Variants in NSUN2 observed in about 807,000 individuals in gnomAD.
NSUN2 encodes NOP2/Sun RNA methyltransferase 2.
NSUN2 carries 63 observed loss-of-function variants against 92.7 expected under a neutral mutation model. The observed-to-expected ratio is 0.68, with a 90% CI of 0.56 to 0.84. The LOEUF (loss-of-function observed/expected upper bound fraction) is 0.84. Ranked by LOEUF, NSUN2 falls within the 40% of genes least tolerant of loss-of-function variation. The probability of loss-of-function intolerance (pLI) is 0.00; values close to 1 mark genes in which losing one functional copy is unlikely to be tolerated. For synonymous variants in NSUN2, 356 were observed against 348.3 expected, an observed-to-expected ratio of 1.02 and a Z score of -0.25; for missense variants, 989 against 964.9, an observed-to-expected ratio of 1.02 and a Z score of -0.33.
At chr5:6,611,513 C>A (rs886348680) in intron 10 of NSUN2, among the ~76,000 whole-genome samples, 1 of 139,048 alleles carries the variant, frequency 7.2e-6, no homozygotes, top group Non-Finnish European at 1.5e-5. Flanking sequence ...TATTTCTGTA[C>A]GTGGAGAAAA....
chr5:6,609,926 A>G lies in NSUN2; in HGVS notation c.1227-4T>C. 1 of 1,561,778 alleles carries G rather than the reference A, an allele frequency of 6.4e-7. No homozygotes were observed. Among genetic ancestry groups the G allele is most frequent in the Non-Finnish European group, 8.8e-7 (1 of 1,137,252 alleles). On this transcript the variant is annotated splice_region_variant and splice_polypyrimidine_tract_variant and intron_variant, in intron 11 of 18. Transcript: ENST00000264670. ...ATGATGGGGTAATATCCTAAGGCTA[A>G]ATATATATATATAATTCACACCTCT...
Position 6,617,997 on chromosome 5 carries a change from A to T in NSUN2, c.843T>A (p.Ile281=), listed in dbSNP as rs1057324943. The change falls in exon 8 of 19, where the codon ATT becomes ATA. Residue 281 remains isoleucine, a synonymous_variant. Coordinates refer to ENST00000264670, the MANE Select transcript of NSUN2 (RefSeq NM_017755.6). ...CSGDGTMRKN[I]DVWKKWTTLN... is the part of the protein sequence containing the mutation. ...AGGTGGTCCACTTTTTCCAAACATCAATGTTTTTTCTCATAGTGCCGTCTC... is the reference window on the plus strand; with the variant it reads ...AGGTGGTCCACTTTTTCCAAACATCTATGTTTTTTCTCATAGTGCCGTCTC... The T allele has an allele frequency of 6.2e-7, 1 of 1,613,654 alleles. No homozygotes were observed. Among genetic ancestry groups the T allele is most frequent in the African/African-American group, 1.3e-5 (1 of 74,900 alleles).
rs377054260 is a variant in NSUN2 at position 6,631,836 on chromosome 5, C to G, written c.359+37G>C. 55 of 1,388,484 alleles carry G rather than the reference C, an allele frequency of 4.0e-5. 1 individual carries two copies. The highest frequency in any genetic ancestry group is 2.5e-4 in the East Asian group (11 of 43,828). 86.0% of individuals were successfully genotyped at this position (1,388,484 alleles called of 1,614,324 possible). Reference sequence around the variant, plus strand: ...ATTCAAGTGATAGAGATTAATATCCCAAATAAATATTCGGCATGAAGCACT... The same window carrying G: ...ATTCAAGTGATAGAGATTAATATCCGAAATAAATATTCGGCATGAAGCACT... On this transcript the variant is annotated intron_variant, in intron 3 of 18. Transcript: ENST00000264670.
intron 4 of NSUN2, among the ~76,000 whole-genome samples, chr5:6,623,656 G>A (rs887879868): frequency 2.0e-5 from 3 of 152,150 alleles, no homozygotes; most frequent in African/African-American, 4.8e-5. Context: ...CATCAACTTA[G>A]GACAGAAAGT....
intron 9 of NSUN2, among the ~76,000 whole-genome samples, chr5:6,613,355 C>G (rs1177298193): frequency 6.6e-6 from 1 of 152,158 alleles, no homozygotes; most frequent in Non-Finnish European, 1.5e-5. Flanking sequence ...AATCCATGTA[C>G]TTTTTTTCTA....
chr5:6,611,555 C>A (rs1736993548), intron 10 of NSUN2, among the ~76,000 whole-genome samples, 170 bp downstream of exon 10: 1 of 151,716 alleles, frequency 6.6e-6, no homozygotes, highest in Non-Finnish European at 1.5e-5. Flanking sequence ...AATAAACATG[C>A]CACTTGTCAT....
chr5:6,632,016 A>G (rs749359386), intron 2 of NSUN2, 39 bp from the exon 3 acceptor site: 1 of 1,479,510 alleles, frequency 6.8e-7, no homozygotes, highest in Non-Finnish European at 9.4e-7. Context: ...GATCTAAAAA[A>G]CTAAGTTAAT....
At chr5:6,632,303 C>G (rs543264888) in intron 2 of NSUN2, among the ~76,000 whole-genome samples, 1 of 152,172 alleles carries the variant, frequency 6.6e-6, no homozygotes, top group Non-Finnish European at 1.5e-5. Flanking sequence ...TATGCATTCT[C>G]TATAAATTCT....
At chr5:6,626,144 C>T (rs1043648501) in intron 3 of NSUN2, among the ~76,000 whole-genome samples, 2 of 152,080 alleles carry the variant, frequency 1.3e-5, no homozygotes, top group African/African-American at 4.8e-5. Flanking sequence ...ATTTCTAACA[C>T]CAGTTCAATA....
intron 6 of NSUN2, 200 bp from the exon 7 acceptor site, chr5:6,620,498 A>C (rs906906063): frequency 2.4e-6 from 1 of 412,106 alleles, no homozygotes; most frequent in African/African-American, 2.0e-5. Context: ...TGGACACTCG[A>C]ATTTTGAAAG....
chr5:6,632,480 C>T, intron 2 of NSUN2, 119 bp downstream of exon 2: 1 of 1,237,876 alleles, frequency 8.1e-7, no homozygotes, highest in Non-Finnish European at 1.1e-6. Context: ...TTCCTGAATC[C>T]AAACCGCTGA....
chr5:6,617,187 G>A (rs1463190189), intron 8 of NSUN2, among the ~76,000 whole-genome samples: 1 of 152,054 alleles, frequency 6.6e-6, no homozygotes, highest in Non-Finnish European at 1.5e-5. Flanking sequence ...TAAATATGTG[G>A]TTTTTCTATG....
chr5:6,612,319 CA>C (rs144581888), intron 9 of NSUN2, among the ~76,000 whole-genome samples: 2,557 of 152,286 alleles, frequency 0.017, 95 homozygotes, highest in African/African-American at 0.058. Flanking sequence ...GCATGTCTAA[CA>C]AACATCCCAG....
intron 7 of NSUN2, among the ~76,000 whole-genome samples, chr5:6,618,895 G>A (rs1245115413): frequency 1.3e-5 from 2 of 152,128 alleles, no homozygotes; most frequent in African/African-American, 2.4e-5. Flanking sequence ...GTCTAGCCGC[G>A]TGTACACGAG....
At chr5:6,619,588 G>C (rs1737352605) in intron 7 of NSUN2, among the ~76,000 whole-genome samples, 1 of 152,144 alleles carries the variant, frequency 6.6e-6, no homozygotes, top group Admixed American at 6.5e-5. Flanking sequence ...AAATGTTGAT[G>C]TATTATCTCA....
At chr5:6,608,345 C>T (rs1291601809) in intron 12 of NSUN2, among the ~76,000 whole-genome samples, 1 of 152,154 alleles carries the variant, frequency 6.6e-6, no homozygotes, top group African/African-American at 2.4e-5. Context: ...CTGGGACCTT[C>T]AAATACCAAG....
chr5:6,599,964 C>G lies in NSUN2; in HGVS notation c.2266G>C (p.Ala756Pro). The change falls in exon 19 of 19, where the codon GCA becomes CCA. Residue 756 changes from alanine (A) to proline (P), a missense_variant. By Grantham distance (27) the Ala-to-Pro change is conservative. This residue lies in a region of NSUN2 where 626 missense variants were observed against 602.3 expected (regional missense o/e 1.04). Transcript: ENST00000264670. The part of the protein sequence containing the change: ...AEEANSPDVT[A>P]GCDPAGVHPP... Reference sequence around the variant, plus strand: ...TGGACCCCCGCCGGGTCACAGCCTGCTGTCACGTCTGGACTGTTGGCCTCT... The same window carrying G: ...TGGACCCCCGCCGGGTCACAGCCTGGTGTCACGTCTGGACTGTTGGCCTCT... 6.2e-7 allele frequency: 1 copy of G among 1,614,118 alleles called. No homozygotes were observed.
At chr5:6,621,922 G>A (rs1381279438) in intron 6 of NSUN2, 94 bp downstream of exon 6, 6 of 1,071,614 alleles carry the variant, frequency 5.6e-6, no homozygotes, top group Admixed American at 1.8e-5. Flanking sequence ...GGAGACTTTA[G>A]AGCCAAATTA....
rs753298636 is a variant in NSUN2 at position 6,631,961 on chromosome 5, G to A, written c.271C>T (p.Leu91Phe). ...AAATATTTGTTCTTTAAGCAATGGA[G>A]AATCTCTTTTGCGTGGCTATTGAAA... is the stretch of plus-strand genomic sequence containing the variant. ...TGYKSHAKEI[L>F]HCLKNKYFKE... Residue 91 changes from leucine to phenylalanine, a missense_variant, in exon 3 of 19, where the codon CTC becomes TTC. Around this residue, in one of 3 missense-constraint regions of NSUN2, gnomAD observed 356 missense variants for 338.6 expected, o/e 1.05. Coordinates refer to ENST00000264670, the MANE Select transcript of NSUN2 (RefSeq NM_017755.6). 23 of 1,612,856 alleles carry A rather than the reference G, an allele frequency of 1.4e-5. No homozygotes were observed. The highest frequency in any genetic ancestry group is 1.9e-5 in the Non-Finnish European group (22 of 1,179,432).
Sources: allele counts gnomAD v4.1 joint callset (sites outside exome capture counted in the v4.1 genomes callset), GRCh38; gene constraint gnomAD v4.1.1; regional missense constraint gnomAD v4.1.1; transcripts MANE v1.5; gene names NCBI Gene and HGNC (gene_info 2026-07-23, HGNC 2026-07-21).